ADGB: variants seen among roughly 807,000 people sequenced by gnomAD.
The protein encoded by ADGB is calpain-7-like protein.
ADGB carries 172 observed loss-of-function variants against 210.5 expected under a neutral mutation model. The ratio of observed to expected loss-of-function variants is 0.82; its 90% CI spans 0.72 to 0.93. The LOEUF (loss-of-function observed/expected upper bound fraction) is 0.93. ADGB is among the 40% of genes least tolerant of loss of function. The pLI is 0.00. For synonymous variants in ADGB, 658 were observed against 662.7 expected (o/e 0.99, Z 0.11); for missense variants, 2,025 against 1,964.8 (o/e 1.03, Z -0.58).
At position 146,792,767 on chromosome 6, in the gene ADGB, A is replaced by C. The variant is rs145064262; in HGVS notation, c.4537+4157A>C. On this transcript the variant is annotated intron_variant, in intron 33 of 35. Coordinates refer to ENST00000397944, the MANE Select transcript of ADGB (RefSeq NM_024694.4). ...AAAAGTCAGCAGGAAAGGAGGACCT[A>C]GACCAAGCAGCCTATCTCCAAGCAC... Among the ~76,000 whole-genome samples, 389 of 151,656 alleles carry C rather than the reference A, an allele frequency of 2.6e-3. 10 individuals carry two copies. In the East Asian group the frequency reaches 0.049, roughly 19 times the overall value.
intron 33 of ADGB, among the ~76,000 whole-genome samples, chr6:146,794,419 G>GT (rs112096738): frequency 0.096 from 14,612 of 151,976 alleles, 1,154 homozygotes; most frequent in African/African-American, 0.22. Context: ...AAACCTTACT[G>GT]TTTCCTCACA....
chr6:146,711,890 ACAAAAACCC>A (rs1248289608), intron 13 of ADGB, among the ~76,000 whole-genome samples: 7 of 151,770 alleles, frequency 4.6e-5, no homozygotes, highest in African/African-American at 1.7e-4. Flanking sequence ...AAAAACAACA[ACAAAAACCC>A]CAAAAACATT....
At position 146,719,401 on chromosome 6, in the gene ADGB, T is replaced by C. The variant is rs150988739; in HGVS notation, c.1992+1802T>C. 5.2e-3 allele frequency among the ~76,000 whole-genome samples: 797 copies of C among 152,094 alleles called. 14 individuals carry two copies. Among genetic ancestry groups the C allele is most frequent in the African/African-American group, 0.019 (777 of 41,448 alleles). ...TTTTCTTTTAAAAGTCTCAGCTTGG[T>C]GAAATAAAATTATGACATTCCTTTT... On this transcript the variant is annotated intron_variant, in intron 16 of 35. Transcript: ENST00000397944.
intron 1 of ADGB, among the ~76,000 whole-genome samples, chr6:146,623,382 G>C (rs1161905938): frequency 6.6e-6 from 1 of 151,820 alleles, no homozygotes; most frequent in Non-Finnish European, 1.5e-5. Context: ...TCTCTCACCA[G>C]AGTTGTATAG....
chr6:146,656,034 C>CAA (rs34817618), intron 4 of ADGB, among the ~76,000 whole-genome samples: 14 of 150,908 alleles, frequency 9.3e-5, no homozygotes, highest in East Asian at 5.8e-4. Flanking sequence ...CTAGTCCTCA[C>CAA]AAAAAAAAAT....
At chr6:146,650,805 C>T (rs551480334) in intron 3 of ADGB, among the ~76,000 whole-genome samples, 2 of 152,192 alleles carry the variant, frequency 1.3e-5, no homozygotes, top group African/African-American at 4.8e-5. Context: ...GCCAACGGAT[C>T]TGACGCAGAC....
At chr6:146,761,398 C>T (rs1777489848) in intron 27 of ADGB, among the ~76,000 whole-genome samples, 1 of 151,960 alleles carries the variant, frequency 6.6e-6, no homozygotes, top group African/African-American at 2.4e-5. Flanking sequence ...GTCACTTAAC[C>T]ATGTGTGTAT....
In ADGB at chr6:146,788,444, A is replaced by G. The variant is rs1331249282; in HGVS notation, c.4371A>G (p.Ser1457=). 1.3e-6 allele frequency: 2 copies of G among 1,551,590 alleles called. No homozygotes were observed. The highest frequency in any genetic ancestry group is 2.4e-5 in the South Asian group (2 of 84,058). Residue 1457 remains serine, a synonymous_variant, in exon 33 of 36, where the codon TCA becomes TCG. Transcript: ENST00000397944. ...CAAACTCAAAGAATTCTGCAGGTTC[A>G]GAGAGCAAAGAGATGACACAAACAG... is the stretch of plus-strand genomic sequence containing the variant. ...KEPNSKNSAG[S]ESKEMTQTGS...
chr6:146,669,933 G>A (rs140930003), intron 7 of ADGB, among the ~76,000 whole-genome samples: 2,389 of 152,106 alleles, frequency 0.016, 60 homozygotes, highest in African/African-American at 0.052. Flanking sequence ...TCATCTCAGT[G>A]AATTTCACTA....
At chr6:146,650,092 A>G (rs908227742) in intron 3 of ADGB, among the ~76,000 whole-genome samples, 5 of 152,152 alleles carry the variant, frequency 3.3e-5, no homozygotes, top group African/African-American at 1.2e-4. Context: ...TTTTTTAGAA[A>G]ATTGGGACCT....
intron 1 of ADGB, among the ~76,000 whole-genome samples, chr6:146,629,690 G>A (rs950805437): frequency 6.6e-6 from 1 of 151,878 alleles, no homozygotes; most frequent in Non-Finnish European, 1.5e-5. Flanking sequence ...TTATCTGTAG[G>A]CTTGTGTCAA....
At chr6:146,676,880 G>A (rs761777796) in intron 9 of ADGB, among the ~76,000 whole-genome samples, 6 of 152,246 alleles carry the variant, frequency 3.9e-5, no homozygotes, top group Non-Finnish European at 5.9e-5. Context: ...CTGTGAGGCC[G>A]GAGACTCTGG....
intron 5 of ADGB, among the ~76,000 whole-genome samples, chr6:146,661,635 A>G (rs1775860726): frequency 6.6e-6 from 1 of 152,152 alleles, no homozygotes; most frequent in Admixed American, 6.5e-5. Context: ...ACATTTAGTC[A>G]TATGTTCATT....
chr6:146,634,391 C>A (rs1236843339), intron 1 of ADGB, among the ~76,000 whole-genome samples: 1 of 152,004 alleles, frequency 6.6e-6, no homozygotes. Context: ...TAATTTGTAT[C>A]CAGAACCCAC....
At chr6:146,678,820 A>G (rs770881769) in intron 9 of ADGB, among the ~76,000 whole-genome samples, 1 of 152,214 alleles carries the variant, frequency 6.6e-6, no homozygotes, top group Non-Finnish European at 1.5e-5. Flanking sequence ...TTTCAAAATA[A>G]GTGTATTCAT....
At chr6:146,807,932 T>A (rs1245765023) in intron 35 of ADGB, 1 of 158,924 alleles carries the variant, frequency 6.3e-6, no homozygotes, top group Admixed American at 6.5e-5. Flanking sequence ...TGGCTTTTGT[T>A]CTTAGAAGAA....
At chr6:146,715,303 T>A in intron 13 of ADGB, 79 bp from the exon 14 acceptor site, 1 of 1,165,972 alleles carries the variant, frequency 8.6e-7, no homozygotes, top group South Asian at 1.4e-5. Flanking sequence ...AAAACTATAT[T>A]AGCTCTTTTA....
rs959619864 is a variant in ADGB, at chr6:146,741,230, G to C, written c.3136G>C (p.Val1046Leu). Residue 1046 changes from valine to leucine, a missense_variant, in exon 25 of 36, where the codon GTG becomes CTG. By Grantham distance (32) the Val-to-Leu change is conservative (BLOSUM62 1). Transcript: ENST00000397944. ...NNDTMEQVPK[V>L]FQKVVPYLYT... ...TGACACAATGGAGCAAGTGCCAAAGGTGTTCCAAAAAGTGGTGCCTTATCT... is the reference window on the plus strand; with the variant it reads ...TGACACAATGGAGCAAGTGCCAAAGCTGTTCCAAAAAGTGGTGCCTTATCT... The C allele has an allele frequency of 2.8e-5, 44 of 1,550,896 alleles. No homozygotes were observed. Among genetic ancestry groups the C allele is most frequent in the Non-Finnish European group, 3.7e-5 (42 of 1,146,610 alleles).
chr6:146,630,801 A>G (rs1027437690), intron 1 of ADGB, among the ~76,000 whole-genome samples: 8 of 152,330 alleles, frequency 5.3e-5, no homozygotes, highest in South Asian at 2.1e-4. Flanking sequence ...AAATCCACCT[A>G]AGCACAGAAA....
Sources: gnomAD v4.1 joint callset for allele counts (sites outside exome capture counted in the v4.1 genomes callset) on GRCh38, gnomAD v4.1.1 for gene constraint, MANE v1.5 for transcripts, NCBI Gene and HGNC (gene_info 2026-07-23, HGNC 2026-07-21) for gene names.